TMEM68: variants seen among roughly 807,000 people sequenced by gnomAD.
TMEM68 encodes DGAT1/2-independent enzyme synthesizing storage lipids.
Under a neutral mutation model 36.9 loss-of-function variants are expected in TMEM68, and 25 were observed. The observed-to-expected ratio is 0.68, with a 90% CI of 0.49 to 0.95. The LOEUF (loss-of-function observed/expected upper bound fraction) is 0.95, where lower values mean the gene tolerates loss of function less well. Ranked by LOEUF, TMEM68 falls within the 40% of genes least tolerant of loss-of-function variation. The pLI is 0.00. For synonymous variants in TMEM68, 131 were observed against 124.4 expected (o/e 1.05, Z -0.35); for missense variants, 333 against 392.0 (o/e 0.85, Z 1.27).
intron 5 of TMEM68, 137 bp from the exon 6 acceptor site, chr8:55,745,258 A>C: frequency 2.2e-6 from 1 of 448,560 alleles, no homozygotes; most frequent in Non-Finnish European, 3.9e-6. Context: ...GAACATGCCC[A>C]ATCTCGTCTG....
At position 55,738,850 on chromosome 8, in the gene TMEM68, T is replaced by C. The variant is rs1255233048; in HGVS notation, c.*1282A>G. 1 of 152,592 alleles carries C rather than the reference T, an allele frequency of 6.6e-6. No individual in the cohort carries two copies. The highest frequency in any genetic ancestry group is 1.5e-5 in the Non-Finnish European group (1 of 68,028). 9.5% of individuals were successfully genotyped at this position (152,592 alleles called of 1,614,324 possible). On this transcript the variant is annotated 3_prime_UTR_variant, in exon 8 of 8. Coordinates refer to ENST00000434581, the MANE Select transcript of TMEM68 (RefSeq NM_001286657.2). ...ATACAAAAACCCTACTAATTCAACA[T>C]TTAAAAAAGGGAGAGGGAGATACTG...
At chr8:55,740,450 G>A (rs1321380617) in intron 7 of TMEM68, among the ~76,000 whole-genome samples, 1 of 152,034 alleles carries the variant, frequency 6.6e-6, no homozygotes, top group African/African-American at 2.4e-5. Context: ...ACAGGCATGG[G>A]CCACTGTGCC....
intron 5 of TMEM68, chr8:55,746,317 C>CAAAAAAAAAAAAAAAAAAAAA (rs376241142): frequency 1.7e-5 from 1 of 57,184 alleles, no homozygotes; most frequent in African/African-American, 7.7e-5. Flanking sequence ...CACTGTCTCC[C>CAAAAAAAAAAAAAAAAAAAAA]AAAAAAAAAA....
intron 3 of TMEM68, chr8:55,761,200 G>GT (rs1196656972): frequency 1.3e-5 from 2 of 152,202 alleles, no homozygotes; most frequent in Non-Finnish European, 2.9e-5. Flanking sequence ...TGCTGAGAAA[G>GT]TATCAGTGCA....
chr8:55,770,985 G>A (rs1475236309), intron 1 of TMEM68, among the ~76,000 whole-genome samples: 1 of 152,072 alleles, frequency 6.6e-6, no homozygotes, highest in Non-Finnish European at 1.5e-5. Flanking sequence ...GAGAAACCCT[G>A]TTTCTACAAA....
At chr8:55,768,548 TA>T (rs907911248) in intron 1 of TMEM68, among the ~76,000 whole-genome samples, 3 of 149,364 alleles carry the variant, frequency 2.0e-5, no homozygotes, top group Non-Finnish European at 3.0e-5. Context: ...AACTCATCTC[TA>T]AAAAAAAAAT....
chr8:55,740,264 T>C (rs1381768555), intron 7 of TMEM68, 46 bp from the exon 8 acceptor site: 5 of 1,400,314 alleles, frequency 3.6e-6, no homozygotes, highest in South Asian at 1.2e-5. Context: ...GATCTTAATA[T>C]AGACTGATTT....
chr8:55,739,494 T>C lies in TMEM68; in HGVS notation c.*638A>G, dbSNP rs1269154454. On this transcript the variant is annotated 3_prime_UTR_variant, in exon 8 of 8. Coordinates refer to ENST00000434581, the MANE Select transcript of TMEM68 (RefSeq NM_001286657.2). ...TGCTTGGCAACTGGACATGACATAATTTAAACACACAATGGAGAAAATATA... is the reference window on the plus strand; with the variant it reads ...TGCTTGGCAACTGGACATGACATAACTTAAACACACAATGGAGAAAATATA... 1 of 152,622 alleles carries C rather than the reference T, an allele frequency of 6.6e-6. No homozygotes were observed. Among genetic ancestry groups the C allele is most frequent in the Non-Finnish European group, 1.5e-5 (1 of 68,038 alleles). 9.5% of individuals were successfully genotyped at this position (152,622 alleles called of 1,614,324 possible).
rs556500735 is a variant in TMEM68 at position 55,738,901 on chromosome 8, TTAAA to T, written c.*1227_*1230del. The stretch of plus-strand genomic sequence containing the variant: ...CATTTGATTTCTGACACTTTTCTGT[TTAAA>T]TAATACTTAAATTCAGTTTTCAAGA... On this transcript the variant is annotated 3_prime_UTR_variant, in exon 8 of 8. Transcript: ENST00000434581. 3.7e-4 allele frequency: 56 copies of T among 152,738 alleles called. No individual in the cohort carries two copies. The highest frequency in any genetic ancestry group is 1.3e-3 in the African/African-American group (55 of 41,564). The allele number at this position is 152,738 out of a possible 1,614,324, so 9.5% of individuals were successfully genotyped here.
At chr8:55,766,931 A>T (rs997469169) in intron 1 of TMEM68, among the ~76,000 whole-genome samples, 6 of 152,340 alleles carry the variant, frequency 3.9e-5, no homozygotes, top group African/African-American at 1.4e-4. Context: ...ATTGACGTAG[A>T]ATCTGAGATA....
At chr8:55,772,889 G>A (rs1811230363) in intron 1 of TMEM68, 2 of 152,570 alleles carry the variant, frequency 1.3e-5, no homozygotes, top group African/African-American at 2.4e-5. Context: ...CCCGGAACCA[G>A]CGAAGCCACT....
chr8:55,743,485 T>C lies in TMEM68; in HGVS notation c.884A>G (p.Glu295Gly). 4 of 1,523,292 alleles carry C rather than the reference T, an allele frequency of 2.6e-6. No individual in the cohort carries two copies. The highest frequency in any genetic ancestry group is 3.5e-6 in the Non-Finnish European group (4 of 1,143,734). The allele number at this position is 1,523,292 out of a possible 1,614,324, so 94.4% of individuals were successfully genotyped here. A position where few individuals can be genotyped will look rare whatever the true frequency, so the allele number is the denominator to read the frequency against. Residue 295 changes from glutamate (E) to glycine (G), a missense_variant, in exon 7 of 8, where the codon GAA becomes GGA. Coordinates refer to ENST00000434581, the MANE Select transcript of TMEM68 (RefSeq NM_001286657.2). ...AAAAAAGAAAAAGCAATTTACCTTT[T>C]CAGCTAATTCTTCCGCTGTTATCTG... ...DPQITAEELAEKTKNAVQALI... is the reference protein window; with the variant it reads ...DPQITAEELAGKTKNAVQALI...
chr8:55,763,069 T>A, intron 2 of TMEM68, 41 bp from the exon 3 acceptor site: 1 of 1,220,672 alleles, frequency 8.2e-7, no homozygotes, highest in South Asian at 1.7e-5. Flanking sequence ...TCTCCACAGC[T>A]ATAAAGTTAA....
At chr8:55,750,154 A>C (rs1407043626) in intron 5 of TMEM68, among the ~76,000 whole-genome samples, 1 of 152,200 alleles carries the variant, frequency 6.6e-6, no homozygotes, top group Non-Finnish European at 1.5e-5. Flanking sequence ...GTTTTCATAT[A>C]CATTATATTG....
In TMEM68 at chr8:55,754,944, T is replaced by TACAC. The variant is rs71256561; in HGVS notation, c.493+1296_493+1299dup. 2.3e-3 allele frequency among the ~76,000 whole-genome samples: 309 copies of TACAC among 134,888 alleles called. 5 individuals are homozygous for TACAC. The highest frequency in any genetic ancestry group is 8.0e-3 in the African/African-American group (286 of 35,642). 88.5% of individuals were successfully genotyped at this position (134,888 alleles called of 152,430 possible). ...ATTTATATATATTTATATATATTTA[T>TACAC]ACACACACACACACACACACACACA... On this transcript the variant is annotated intron_variant, in intron 4 of 7. Transcript: ENST00000434581.
At chr8:55,750,388 T>C (rs1810394802) in intron 5 of TMEM68, among the ~76,000 whole-genome samples, 1 of 152,056 alleles carries the variant, frequency 6.6e-6, no homozygotes, top group Non-Finnish European at 1.5e-5. Context: ...TTTCTGACAA[T>C]CAGAATTAAA....
chr8:55,741,535 G>C (rs771503465), intron 7 of TMEM68, among the ~76,000 whole-genome samples: 8 of 152,216 alleles, frequency 5.3e-5, no homozygotes, highest in Non-Finnish European at 8.8e-5. Context: ...TAAAATGTGA[G>C]ATCATTGGTG....
At chr8:55,751,776 A>G (rs968530416) in intron 4 of TMEM68, among the ~76,000 whole-genome samples, 2 of 152,212 alleles carry the variant, frequency 1.3e-5, no homozygotes, top group African/African-American at 4.8e-5. Flanking sequence ...TCAAATTACA[A>G]CTGTTTATGG....
rs75950092 is a variant in TMEM68, at chr8:55,772,065, C to T, written c.-115+1204G>A. On this transcript the variant is annotated intron_variant, in intron 1 of 7. Transcript: ENST00000434581. ...TTATTATCGTAACCCAGCTACTCAT[C>T]CCAATAATGCTGCACATCTATACTG... 2.3e-3 allele frequency among the ~76,000 whole-genome samples: 345 copies of T among 152,284 alleles called. 2 individuals carry two copies. Among genetic ancestry groups the T allele is most frequent in the African/African-American group, 7.0e-3 (291 of 41,560 alleles).
Sources: gnomAD v4.1 joint callset for allele counts (sites outside exome capture counted in the v4.1 genomes callset) on GRCh38, gnomAD v4.1.1 for gene constraint, MANE v1.5 for transcripts, NCBI Gene and HGNC (gene_info 2026-07-23, HGNC 2026-07-21) for gene names.